Variants in ZMIZ1 observed in about 807,000 individuals in gnomAD.
ZMIZ1 encodes the protein zinc finger MIZ domain-containing protein 1.
In ZMIZ1, 17 loss-of-function variants were observed where a neutral mutation model predicts 113.9. That is an observed-to-expected ratio of 0.15 (90% confidence interval 0.10 to 0.22). The LOEUF (loss-of-function observed/expected upper bound fraction) is 0.22, where lower values mean the gene tolerates loss of function less well. ZMIZ1 is among the 10% of genes least tolerant of loss of function. The pLI is 1.00. For missense variants in ZMIZ1, 1,059 were observed against 1,477.8 expected (o/e 0.72, Z 4.65); for synonymous variants, 607 against 603.1 (o/e 1.01, Z -0.09).
intron 7 of ZMIZ1, among the ~76,000 whole-genome samples, chr10:79,246,245 G>T (rs557260638): frequency 6.6e-6 from 1 of 152,244 alleles, no homozygotes; most frequent in African/African-American, 2.4e-5. Flanking sequence ...CAGGGGGCAC[G>T]AGTGGGCAGC....
chr10:79,092,742 C>T (rs1843023921), intron 1 of ZMIZ1, among the ~76,000 whole-genome samples: 2 of 152,190 alleles, frequency 1.3e-5, no homozygotes, highest in African/African-American at 4.8e-5. Context: ...CCTGATATCT[C>T]CCAGCAAGCC....
At chr10:79,085,397 G>A (rs1167026533) in intron 1 of ZMIZ1, among the ~76,000 whole-genome samples, 1 of 152,214 alleles carries the variant, frequency 6.6e-6, no homozygotes, top group African/African-American at 2.4e-5. Flanking sequence ...GTTCCCACCT[G>A]CCATTTGCAC....
chr10:79,121,760 G>T (rs1444804694), intron 2 of ZMIZ1, among the ~76,000 whole-genome samples: 1 of 152,178 alleles, frequency 6.6e-6, no homozygotes, highest in Non-Finnish European at 1.5e-5. Flanking sequence ...AAATTGGGAA[G>T]GATCCCCGGG....
At chr10:79,291,261 C>T in intron 10 of ZMIZ1, 85 bp downstream of exon 10, 1 of 1,409,036 alleles carries the variant, frequency 7.1e-7, no homozygotes, top group Non-Finnish European at 9.4e-7. Flanking sequence ...TAAATCCCAG[C>T]TCCACGCTTT....
At chr10:79,294,938 AGAG>A (rs1443483970) in intron 12 of ZMIZ1, 4 of 93,972 alleles carry the variant, frequency 4.3e-5, no homozygotes, top group African/African-American at 1.6e-4. Context: ...AGGAGGGGAG[AGAG>A]AGGGGGGGGG....
chr10:79,278,129 G>C (rs1852423127), intron 8 of ZMIZ1, among the ~76,000 whole-genome samples: 1 of 152,250 alleles, frequency 6.6e-6, no homozygotes, highest in East Asian at 1.9e-4. Context: ...TCGGGTGTCA[G>C]CCACGCTTTA....
chr10:79,315,411 C>T lies in ZMIZ1; in HGVS notation c.*2662C>T, dbSNP rs112274316. 9.1e-3 allele frequency: 1,386 copies of T among 152,956 alleles called. 19 individuals are homozygous for T. The highest frequency in any genetic ancestry group is 0.037 in the Middle Eastern group (11 of 298). 9.5% of individuals were successfully genotyped at this position (152,956 alleles called of 1,614,324 possible). A position where few individuals can be genotyped will look rare whatever the true frequency, so the allele number is the denominator to read the frequency against. ...ATCCTTCCCTGATCCTTTCGGACGA[C>T]TACTTGGAGCCATAAGTAACCTCAG... On this transcript the variant is annotated 3_prime_UTR_variant, in exon 25 of 25. Transcript: ENST00000334512.
intron 6 of ZMIZ1, among the ~76,000 whole-genome samples, chr10:79,210,571 C>T (rs556113987): frequency 1.3e-5 from 2 of 152,310 alleles, no homozygotes; most frequent in East Asian, 3.9e-4. Flanking sequence ...CAGGGTGCTC[C>T]AGGCAGAGGG....
intron 6 of ZMIZ1, among the ~76,000 whole-genome samples, chr10:79,209,653 A>G (rs1281510790): frequency 6.6e-6 from 1 of 152,258 alleles, no homozygotes; most frequent in Non-Finnish European, 1.5e-5. Flanking sequence ...AGAGGAAGAA[A>G]TAGCGGCAAC....
chr10:79,273,759 A>G (rs2131958497), intron 7 of ZMIZ1, among the ~76,000 whole-genome samples: 1 of 152,336 alleles, frequency 6.6e-6, no homozygotes, highest in East Asian at 1.9e-4. Flanking sequence ...ATTCCTCTCC[A>G]CGCCCCTTGG....
In ZMIZ1 at chr10:79,139,586, T is replaced by C. The variant is rs946955225; in HGVS notation, c.-226-96T>C. The C allele has an allele frequency of 1.5e-5, 6 of 393,204 alleles. No individual in the cohort carries two copies. The Admixed American group carries it at 2.7e-4, about 17-fold the overall frequency. The allele number at this position is 393,204 out of a possible 1,614,324, so 24.4% of individuals were successfully genotyped here. A position where few individuals can be genotyped will look rare whatever the true frequency, so the allele number is the denominator to read the frequency against. On this transcript the variant is annotated intron_variant, in intron 2 of 24. Transcript: ENST00000334512. ...GTGCTTAAGTGACCCAAGAGGCCGC[T>C]GAGATTAGCTTGGCGGCAGGGACAG...
chr10:79,192,229 C>A (rs1202153117), intron 4 of ZMIZ1, among the ~76,000 whole-genome samples: 2 of 152,252 alleles, frequency 1.3e-5, no homozygotes, highest in Non-Finnish European at 2.9e-5. Context: ...GATCCCAGCC[C>A]TGTGTGGGTT....
chr10:79,093,135 A>AACACACACACAC (rs5786379), intron 1 of ZMIZ1, among the ~76,000 whole-genome samples: 7 of 107,994 alleles, frequency 6.5e-5, no homozygotes, highest in African/African-American at 1.7e-4. Flanking sequence ...CCCCACCCCC[A>AACACACACACAC]ACACACACAC....
chr10:79,284,182 A>C (rs1413155264), intron 8 of ZMIZ1, among the ~76,000 whole-genome samples: 2 of 152,182 alleles, frequency 1.3e-5, no homozygotes, highest in Admixed American at 6.5e-5. Flanking sequence ...TCTCACATTC[A>C]GCAAAACCTC....
At chr10:79,299,412 A>C (rs1854142082) in intron 16 of ZMIZ1, among the ~76,000 whole-genome samples, 1 of 152,202 alleles carries the variant, frequency 6.6e-6, no homozygotes, top group Non-Finnish European at 1.5e-5. Context: ...AAGGGCAGGG[A>C]GCAGCTGTCA....
chr10:79,274,426 G>C lies in ZMIZ1; in HGVS notation c.281-2755G>C, dbSNP rs543291658. 2.4e-4 allele frequency among the ~76,000 whole-genome samples: 36 copies of C among 152,320 alleles called. No individual in the cohort carries two copies. In the East Asian group the frequency reaches 6.9e-3, roughly 29 times the overall value. On this transcript the variant is annotated intron_variant, in intron 7 of 24. Transcript: ENST00000334512. ...ACACCCGCCCAGCTGGTGTCACTCT[G>C]TCTGTCCTTGCGTAATCCCCTGCCT... is the stretch of plus-strand genomic sequence containing the variant.
chr10:79,301,665 TG>T (rs1854309080), intron 17 of ZMIZ1, among the ~76,000 whole-genome samples: 2 of 152,182 alleles, frequency 1.3e-5, no homozygotes, highest in East Asian at 1.9e-4. Context: ...CCATTCTGGC[TG>T]GGGAATGTGA....
intron 7 of ZMIZ1, among the ~76,000 whole-genome samples, chr10:79,218,289 C>T (rs561983077): frequency 6.6e-6 from 1 of 152,262 alleles, no homozygotes; most frequent in South Asian, 2.1e-4. Flanking sequence ...GCCTGGGTAA[C>T]ATGGCGAAAC....
At chr10:79,278,145 CGAATTA>C (rs1365660744) in intron 8 of ZMIZ1, among the ~76,000 whole-genome samples, 1 of 152,218 alleles carries the variant, frequency 6.6e-6, no homozygotes, top group Middle Eastern at 3.2e-3. Flanking sequence ...CTTTATAAAT[CGAATTA>C]GAGGCTTGTT....
Sources: allele counts gnomAD v4.1 joint callset (sites outside exome capture counted in the v4.1 genomes callset), GRCh38; gene constraint gnomAD v4.1.1; transcripts MANE v1.5; gene names NCBI Gene and HGNC (gene_info 2026-07-23, HGNC 2026-07-21).